SDK1: variants seen among roughly 807,000 people sequenced by gnomAD.
SDK1 encodes the protein sidekick cell adhesion molecule 1.
In SDK1, 157 loss-of-function variants were observed where a neutral mutation model predicts 245.5. The observed-to-expected ratio is 0.64, with a 90% CI of 0.56 to 0.73. The LOEUF is 0.73. Ranked by LOEUF, SDK1 falls within the 30% of genes least tolerant of loss-of-function variation. The probability of loss-of-function intolerance (pLI) is 0.00; values close to 1 mark genes in which losing one functional copy is unlikely to be tolerated. For synonymous variants in SDK1, 1,647 were observed against 1,278.5 expected, an observed-to-expected ratio of 1.29 and a Z score of -6.15; for missense variants, 3,583 against 3,002.3, an observed-to-expected ratio of 1.19 and a Z score of -4.52.
intron 1 of SDK1, 136 bp from the exon 2 acceptor site, chr7:3,618,944 A>G (rs1016187763): frequency 3.0e-6 from 2 of 674,026 alleles, no homozygotes; most frequent in Non-Finnish European, 4.8e-6. Context: ...AGGATTATTT[A>G]CTTCTTAATT....
At chr7:3,585,419 A>G (rs144947538) in intron 1 of SDK1, among the ~76,000 whole-genome samples, 9 of 152,364 alleles carry the variant, frequency 5.9e-5, no homozygotes, top group African/African-American at 1.9e-4. Context: ...ATGAGCGTAT[A>G]GGCTGCATAA....
At chr7:4,179,289 G>C (rs560743870) in intron 35 of SDK1, 1 of 152,162 alleles carries the variant, frequency 6.6e-6, no homozygotes, top group Admixed American at 6.5e-5. Context: ...GCTCTTTTCC[G>C]CTGGTGCAGA....
intron 4 of SDK1, among the ~76,000 whole-genome samples, chr7:3,671,853 T>A (rs969849107): frequency 6.6e-6 from 1 of 152,220 alleles, no homozygotes; most frequent in Non-Finnish European, 1.5e-5. Context: ...TTCCTTCTTA[T>A]GTAATATGTC....
intron 23 of SDK1, among the ~76,000 whole-genome samples, chr7:4,113,042 C>T (rs1783449662): frequency 6.6e-6 from 1 of 152,076 alleles, no homozygotes; most frequent in African/African-American, 2.4e-5. Flanking sequence ...GGATTTGATC[C>T]CCCGCCACCG....
chr7:3,714,991 A>T (rs1785157750), intron 4 of SDK1, among the ~76,000 whole-genome samples: 1 of 152,136 alleles, frequency 6.6e-6, no homozygotes, highest in Non-Finnish European at 1.5e-5. Flanking sequence ...TAGCATTAAA[A>T]CTCAATTAAG....
intron 1 of SDK1, among the ~76,000 whole-genome samples, chr7:3,588,160 C>T (rs1437512787): frequency 6.6e-6 from 1 of 152,126 alleles, no homozygotes; most frequent in Non-Finnish European, 1.5e-5. Flanking sequence ...AATTAAGTGA[C>T]TTATTATAAT....
In SDK1 at chr7:4,268,112, C is replaced by G; in HGVS notation, c.*2728C>G. 1 of 985,910 alleles carries G rather than the reference C, an allele frequency of 1.0e-6. No individual in the cohort carries two copies. Among genetic ancestry groups the G allele is most frequent in the Non-Finnish European group, 1.2e-6 (1 of 830,266 alleles). The allele number at this position is 985,910 out of a possible 1,614,324, so 61.1% of individuals were successfully genotyped here. On this transcript the variant is annotated 3_prime_UTR_variant, in exon 45 of 45. Transcript: ENST00000404826. ...GCTAGATGGAATGTGCTCCCGCTCT[C>G]TCCTGCCGTGCTGAAAGTCATGCCT... is the stretch of plus-strand genomic sequence containing the variant.
chr7:3,531,502 C>T (rs1348953709), intron 1 of SDK1, among the ~76,000 whole-genome samples: 1 of 152,154 alleles, frequency 6.6e-6, no homozygotes, highest in Non-Finnish European at 1.5e-5. Flanking sequence ...CAGCCATATT[C>T]CGAGTCCAGC....
intron 1 of SDK1, among the ~76,000 whole-genome samples, chr7:3,459,846 T>C (rs1293731884): frequency 6.6e-6 from 1 of 152,144 alleles, no homozygotes; most frequent in Non-Finnish European, 1.5e-5. Context: ...ATTCCTTGAA[T>C]AGAAAAGGAG....
intron 1 of SDK1, among the ~76,000 whole-genome samples, chr7:3,396,602 T>A (rs1347012994): frequency 6.6e-6 from 1 of 151,826 alleles, no homozygotes; most frequent in African/African-American, 2.4e-5. Context: ...CCTCTTATTA[T>A]AAAATTTCCT....
Position 3,531,638 on chromosome 7 carries a change from A to C in SDK1, c.299-87442A>C, listed in dbSNP as rs980754041. ...GTATTCATTATTTGCTATCAGCCATACTATTTTCTCCCACATTAGTGTAGG... is the reference window on the plus strand; with the variant it reads ...GTATTCATTATTTGCTATCAGCCATCCTATTTTCTCCCACATTAGTGTAGG... On this transcript the variant is annotated intron_variant, in intron 1 of 44. Transcript: ENST00000404826. Among the ~76,000 whole-genome samples the C allele has an allele frequency of 2.4e-4, 37 of 152,302 alleles. 1 individual carries two copies. Among genetic ancestry groups the C allele is most frequent in the Non-Finnish European group, 4.3e-4 (29 of 68,020 alleles).
intron 4 of SDK1, among the ~76,000 whole-genome samples, chr7:3,762,171 C>T (rs1250839451): frequency 6.6e-6 from 1 of 152,206 alleles, no homozygotes; most frequent in Non-Finnish European, 1.5e-5. Context: ...AATACTCCTA[C>T]AACAATCCTT....
At chr7:3,654,768 G>C (rs1442181871) in intron 4 of SDK1, among the ~76,000 whole-genome samples, 2 of 152,140 alleles carry the variant, frequency 1.3e-5, no homozygotes, top group African/African-American at 2.4e-5. Context: ...ATTCGAGTTG[G>C]CCATGTAGTA....
At chr7:4,235,442 G>A (rs1786098634) in intron 41 of SDK1, among the ~76,000 whole-genome samples, 2 of 152,196 alleles carry the variant, frequency 1.3e-5, no homozygotes, top group African/African-American at 4.8e-5. Flanking sequence ...GGGATTATAG[G>A]AGTGAGTCAC....
chr7:3,639,808 GACATA>G lies in SDK1; in HGVS notation c.565+704_565+708del, dbSNP rs1336121406. 2.0e-5 allele frequency among the ~76,000 whole-genome samples: 3 copies of G among 151,694 alleles called. No individual in the cohort carries two copies. The South Asian group carries it at 6.2e-4, about 32-fold the overall frequency. Reference sequence around the variant, plus strand: ...TGTACATATGTGTATATATAATAGAGACATAACATATATAATTATATGTCATATAT... The same window carrying G: ...TGTACATATGTGTATATATAATAGAGACATATATAATTATATGTCATATAT... On this transcript the variant is annotated intron_variant, in intron 3 of 44. Transcript: ENST00000404826.
chr7:4,196,086 G>A (rs1783560709), intron 35 of SDK1, among the ~76,000 whole-genome samples: 1 of 152,172 alleles, frequency 6.6e-6, no homozygotes, highest in African/African-American at 2.4e-5. Flanking sequence ...TTATGTCCAA[G>A]CCTAGAGAAG....
chr7:4,073,509 G>A (rs769702812), intron 20 of SDK1, among the ~76,000 whole-genome samples: 1 of 152,154 alleles, frequency 6.6e-6, no homozygotes, highest in Non-Finnish European at 1.5e-5. Flanking sequence ...GCTCTAGGTC[G>A]ACATGACAAA....
At chr7:4,148,000 C>T (rs2128207436) in intron 29 of SDK1, among the ~76,000 whole-genome samples, 1 of 151,868 alleles carries the variant, frequency 6.6e-6, no homozygotes, top group East Asian at 1.9e-4. Context: ...CACTATGCCA[C>T]CTGATTATCC....
chr7:3,592,120 C>T (rs1698222063), intron 1 of SDK1, among the ~76,000 whole-genome samples: 1 of 152,222 alleles, frequency 6.6e-6, no homozygotes, highest in Non-Finnish European at 1.5e-5. Context: ...AACCTGATTA[C>T]TGCCTGTGGA....
Sources: allele counts gnomAD v4.1 joint callset (sites outside exome capture counted in the v4.1 genomes callset), GRCh38; gene constraint gnomAD v4.1.1; transcripts MANE v1.5; gene names NCBI Gene and HGNC (gene_info 2026-07-23, HGNC 2026-07-21).